The following NCKAP5 variants were observed in gnomAD, a reference collection of about 807,000 sequenced individuals.
NCKAP5 encodes NCK associated protein 5, also known as nck-associated protein 5.
In NCKAP5, 92 loss-of-function variants were observed where a neutral mutation model predicts 167.0. The ratio of observed to expected loss-of-function variants is 0.55; its 90% CI spans 0.47 to 0.66. The LOEUF is 0.66. Among genes scored for constraint, NCKAP5 ranks in the 30% least tolerant of loss-of-function variants. The pLI is 0.00. For synonymous variants in NCKAP5, 891 were observed against 877.4 expected (o/e 1.02, Z -0.27); for missense variants, 2,378 against 2,315.0 (o/e 1.03, Z -0.56).
At chr2:133,025,980 C>G (rs983090092) in intron 6 of NCKAP5, among the ~76,000 whole-genome samples, 1 of 152,244 alleles carries the variant, frequency 6.6e-6, no homozygotes, top group Non-Finnish European at 1.5e-5. Flanking sequence ...TCTCCCTCCC[C>G]CTCTCCTCCG....
At chr2:133,425,028 G>C (rs1299159000) in intron 3 of NCKAP5, among the ~76,000 whole-genome samples, 1 of 152,192 alleles carries the variant, frequency 6.6e-6, no homozygotes, top group Non-Finnish European at 1.5e-5. Flanking sequence ...CTCTAAATGA[G>C]GCCAATGATT....
chr2:133,533,172 G>A (rs1028746219), intron 2 of NCKAP5, among the ~76,000 whole-genome samples: 1 of 152,350 alleles, frequency 6.6e-6, no homozygotes, highest in Non-Finnish European at 1.5e-5. Context: ...GGAAGGTAAC[G>A]TAAATGCGTG....
At chr2:133,612,508 A>G in the NCKAP5 span, among the ~76,000 whole-genome samples, 1 of 152,216 alleles carries the variant, frequency 6.6e-6, no homozygotes, top group South Asian at 2.1e-4. Context: ...TGGTCTCCCA[A>G]ATAATATATA....
chr2:133,000,250 A>C (rs1489255871), intron 6 of NCKAP5, among the ~76,000 whole-genome samples: 1 of 152,164 alleles, frequency 6.6e-6, no homozygotes, highest in Non-Finnish European at 1.5e-5. Flanking sequence ...GTGTCGATTT[A>C]AGAAAGGGTC....
At chr2:133,665,169 T>C in the NCKAP5 span, among the ~76,000 whole-genome samples, 1 of 152,368 alleles carries the variant, frequency 6.6e-6, no homozygotes, top group African/African-American at 2.4e-5. Context: ...AGTAACACTT[T>C]TAATTTTCTT....
intron 6 of NCKAP5, among the ~76,000 whole-genome samples, chr2:133,041,082 TTTTGC>T (rs2079204586): frequency 3.3e-5 from 5 of 151,974 alleles, no homozygotes; most frequent in Non-Finnish European, 7.4e-5. Flanking sequence ...CCAAAAGGAG[TTTTGC>T]ATACTTCGGA....
chr2:133,129,102 T>TTA (rs1553544983), intron 6 of NCKAP5, among the ~76,000 whole-genome samples: 4 of 151,512 alleles, frequency 2.6e-5, no homozygotes, highest in South Asian at 2.1e-4. Context: ...CTTTTTTTTT[T>TTA]TTATTATTAT....
intron 19 of NCKAP5, among the ~76,000 whole-genome samples, chr2:132,712,923 C>G (rs1338844483): frequency 6.6e-6 from 1 of 152,046 alleles, no homozygotes; most frequent in African/African-American, 2.4e-5. Flanking sequence ...GGAATTGATT[C>G]CATAGATATC....
At chr2:132,800,341 T>A (rs1684928821) in intron 11 of NCKAP5, among the ~76,000 whole-genome samples, 1 of 152,188 alleles carries the variant, frequency 6.6e-6, no homozygotes, top group African/African-American at 2.4e-5. Context: ...CAAATCCCAA[T>A]GAATTCTGGA....
intron 6 of NCKAP5, among the ~76,000 whole-genome samples, chr2:133,062,327 T>G (rs2080036360): frequency 6.6e-6 from 1 of 152,174 alleles, no homozygotes; most frequent in Non-Finnish European, 1.5e-5. Context: ...TTGTGTCTCC[T>G]GTTAGATAAG....
chr2:132,796,133 A>G (rs1262555480), intron 12 of NCKAP5, among the ~76,000 whole-genome samples: 3 of 152,180 alleles, frequency 2.0e-5, no homozygotes, highest in Non-Finnish European at 4.4e-5. Context: ...TTTTCATTAT[A>G]TATTTATTTG....
intron 6 of NCKAP5, among the ~76,000 whole-genome samples, chr2:133,112,618 A>G (rs1238774024): frequency 6.6e-6 from 1 of 152,244 alleles, no homozygotes; most frequent in East Asian, 1.9e-4. Flanking sequence ...ATTAGGAGCT[A>G]CACTTCCAAT....
At chr2:133,086,829 T>G (rs1447758066) in intron 6 of NCKAP5, among the ~76,000 whole-genome samples, 2 of 152,122 alleles carry the variant, frequency 1.3e-5, no homozygotes, top group Non-Finnish European at 2.9e-5. Flanking sequence ...GTTGAAAGTT[T>G]AGGGAACATT....
chr2:133,110,453 G>T (rs763313583), intron 6 of NCKAP5, among the ~76,000 whole-genome samples: 1 of 152,132 alleles, frequency 6.6e-6, no homozygotes, highest in Non-Finnish European at 1.5e-5. Context: ...TTAGTGCAGG[G>T]GACACTGGGG....
rs111531704 is a variant in NCKAP5 at position 133,377,813 on chromosome 2, A to T, written c.70-74703T>A. 3.3e-3 allele frequency among the ~76,000 whole-genome samples: 500 copies of T among 152,306 alleles called. 6 individuals are homozygous for T. The highest frequency in any genetic ancestry group is 0.011 in the African/African-American group (457 of 41,568). On this transcript the variant is annotated intron_variant, in intron 3 of 19. Transcript: ENST00000409261. Reference sequence around the variant, plus strand: ...GGAAGTAAGAACTGGGCTCACTTCCATTTACTTACCAGGCTAGGGATGGAG... The same window carrying T: ...GGAAGTAAGAACTGGGCTCACTTCCTTTTACTTACCAGGCTAGGGATGGAG...
intron 16 of NCKAP5, among the ~76,000 whole-genome samples, chr2:132,759,224 T>C (rs1162138939): frequency 6.6e-6 from 1 of 152,204 alleles, no homozygotes; most frequent in Non-Finnish European, 1.5e-5. Flanking sequence ...GTATAGGTAT[T>C]TCAAAATTTG....
At chr2:133,408,912 C>T (rs761048178) in intron 3 of NCKAP5, among the ~76,000 whole-genome samples, 1 of 152,214 alleles carries the variant, frequency 6.6e-6, no homozygotes, top group Non-Finnish European at 1.5e-5. Context: ...AGCCTGGAGT[C>T]AAGCCCAGCC....
chr2:133,289,906 G>T (rs1028838160), intron 4 of NCKAP5, among the ~76,000 whole-genome samples: 1 of 152,136 alleles, frequency 6.6e-6, no homozygotes, highest in East Asian at 1.9e-4. Context: ...GCAAGCAAAG[G>T]TGGAGGTGCT....
At chr2:133,354,488 G>A (rs1459209586) in intron 3 of NCKAP5, among the ~76,000 whole-genome samples, 1 of 151,984 alleles carries the variant, frequency 6.6e-6, no homozygotes, top group East Asian at 1.9e-4. Context: ...GTTGGGTTAA[G>A]GAACAAAATC....
Sources: gnomAD v4.1 joint callset for allele counts (sites outside exome capture counted in the v4.1 genomes callset) on GRCh38, gnomAD v4.1.1 for gene constraint, MANE v1.5 for transcripts, NCBI Gene and HGNC (gene_info 2026-07-23, HGNC 2026-07-21) for gene names.